DNAH11: variants seen among roughly 807,000 people sequenced by gnomAD.
The protein encoded by DNAH11 is dynein axonemal heavy chain 11, also known as axonemal beta dynein heavy chain 11.
Under a neutral mutation model 526.0 loss-of-function variants are expected in DNAH11, and 442 were observed. The observed-to-expected ratio is 0.84, with a 90% CI of 0.78 to 0.91. The LOEUF (loss-of-function observed/expected upper bound fraction) is 0.91, where lower values mean the gene tolerates loss of function less well. DNAH11 is among the 40% of genes least tolerant of loss of function. The pLI is 0.00. For missense variants in DNAH11, 6,989 were observed against 5,448.7 expected (o/e 1.28, Z -8.90); for synonymous variants, 2,461 against 1,935.9 (o/e 1.27, Z -7.12).
At chr7:21,809,768 G>A (rs1035734735) in intron 63 of DNAH11, among the ~76,000 whole-genome samples, 4 of 151,818 alleles carry the variant, frequency 2.6e-5, no homozygotes, top group Admixed American at 6.6e-5. Flanking sequence ...GTTTTACCAT[G>A]TTGCCCAGGC....
intron 63 of DNAH11, among the ~76,000 whole-genome samples, chr7:21,809,223 G>A (rs566388723): frequency 2.6e-5 from 4 of 152,006 alleles, no homozygotes; most frequent in Admixed American, 1.3e-4. Flanking sequence ...TCCATTTTAC[G>A]ATCAAGTTTT....
rs374693857 is a variant in DNAH11, at chr7:21,864,670, T to A, written c.11496+13T>A. 1.9e-6 allele frequency: 3 copies of A among 1,561,998 alleles called. No homozygotes were observed. In the African/African-American group the frequency reaches 4.1e-5, roughly 21 times the overall value. ...GAGTGCTATCAAGGTATGTTAGGAA[T>A]ACAGTTTCTCAAATTCTGGATCTTA... On this transcript the variant is annotated intron_variant, in intron 70 of 81. Transcript: ENST00000409508.
chr7:21,731,016 C>T (rs545220969), intron 45 of DNAH11, among the ~76,000 whole-genome samples: 8 of 151,960 alleles, frequency 5.3e-5, no homozygotes, highest in East Asian at 3.9e-4. Flanking sequence ...TGGTGGTGTG[C>T]GCCTATAATC....
At chr7:21,740,534 T>C (rs913117910) in intron 48 of DNAH11, among the ~76,000 whole-genome samples, 1 of 152,198 alleles carries the variant, frequency 6.6e-6, no homozygotes, top group Non-Finnish European at 1.5e-5. Context: ...GTTCATCCAG[T>C]TACGGCATAT....
rs760111740 is a variant in DNAH11 at position 21,687,051 on chromosome 7, G to A, written c.5622-48G>A. On this transcript the variant is annotated intron_variant, in intron 32 of 81. Transcript: ENST00000409508. ...TAATGTATTGCCTCTGATGTTTTAT[G>A]AAAATCTCATATTAGACTGTGATGT... is the stretch of plus-strand genomic sequence containing the variant. 23 of 1,547,982 alleles carry A rather than the reference G, an allele frequency of 1.5e-5. No homozygotes were observed. In the Middle Eastern group the frequency reaches 1.4e-3, roughly 92 times the overall value.
rs1782665315 is a variant in DNAH11 at position 21,543,463 on chromosome 7, C to G, written c.218C>G (p.Thr73Arg). The G allele has an allele frequency of 6.3e-7, 1 of 1,580,674 alleles. No homozygotes were observed. Among genetic ancestry groups the G allele is most frequent in the Non-Finnish European group, 8.6e-7 (1 of 1,162,648 alleles). ...CGCCTGGCGATGATGCTGGGGTTCA[C>G]GGAGGAGAAATGGAGCCAGTATTTG... ...GGRLAMMLGFTEEKWSQYLES... is the reference protein window; with the variant it reads ...GGRLAMMLGFREEKWSQYLES... The change falls in exon 1 of 82, where the codon ACG (threonine) becomes AGG (arginine). Residue 73 changes from threonine (T) to arginine (R), a missense_variant. By Grantham distance (71) the Thr-to-Arg change is moderately conservative (BLOSUM62 -1). Transcript: ENST00000409508.
intron 26 of DNAH11, among the ~76,000 whole-genome samples, chr7:21,637,258 C>A (rs529680736): frequency 6.6e-6 from 1 of 152,102 alleles, no homozygotes; most frequent in Non-Finnish European, 1.5e-5. Context: ...CCCACCTCCT[C>A]CTACTTGTCT....
chr7:21,773,726 TGA>T, intron 55 of DNAH11, 38 bp from the exon 56 acceptor site: 1 of 1,288,462 alleles, frequency 7.8e-7, no homozygotes, highest in Non-Finnish European at 1.0e-6. Flanking sequence ...ATTTTTAATT[TGA>T]GAGGATTTCA....
chr7:21,614,399 G>T (rs2128452032), intron 20 of DNAH11, among the ~76,000 whole-genome samples: 1 of 152,206 alleles, frequency 6.6e-6, no homozygotes, highest in South Asian at 2.1e-4. Flanking sequence ...GAACCTGAAG[G>T]ATTGCTTTCC....
At chr7:21,765,352 A>G in intron 54 of DNAH11, 76 bp from the exon 55 acceptor site, 2 of 1,597,994 alleles carry the variant, frequency 1.3e-6, no homozygotes, top group Non-Finnish European at 1.7e-6. Flanking sequence ...CCTTTCTCTC[A>G]TTGTCTAAGA....
At chr7:21,859,495 A>C (rs917918379) in intron 68 of DNAH11, among the ~76,000 whole-genome samples, 1 of 152,210 alleles carries the variant, frequency 6.6e-6, no homozygotes, top group Non-Finnish European at 1.5e-5. Flanking sequence ...CATCTGAAAA[A>C]ATCCAAAATC....
chr7:21,656,035 T>A lies in DNAH11; in HGVS notation c.5094+54T>A. 2.7e-6 allele frequency: 4 copies of A among 1,487,714 alleles called. No homozygotes were observed. The South Asian group carries it at 4.5e-5, about 17-fold the overall frequency. 92.2% of individuals were successfully genotyped at this position (1,487,714 alleles called of 1,614,324 possible). A position where few individuals can be genotyped will look rare whatever the true frequency, so the allele number is the denominator to read the frequency against. ...CTAGGGGAGTATTTTCAGCATGCTC[T>A]TAGAAGGTTGAGTTCAACAAGCAAA... is the stretch of plus-strand genomic sequence containing the variant. On this transcript the variant is annotated intron_variant, in intron 29 of 81. Coordinates refer to ENST00000409508, the MANE Select transcript of DNAH11 (RefSeq NM_001277115.2).
At chr7:21,726,936 T>TTTTTTTTC (rs1473906203) in intron 45 of DNAH11, among the ~76,000 whole-genome samples, 15,084 of 35,208 alleles carry the variant, frequency 0.43, 4,833 homozygotes, top group African/African-American at 0.5. Context: ...TCCTCTTTTC[T>TTTTTTTTC]TTTTTTTTTT....
rs1458595386 is a variant in DNAH11 at position 21,900,859 on chromosome 7, G to C, written c.13304-148G>C. The stretch of plus-strand genomic sequence containing the variant: ...AGGGTAACCTACCTTTCAAAGCTCA[G>C]TCCGGCCAGCTCAGTAAAAATACCA... On this transcript the variant is annotated intron_variant, in intron 81 of 81. Transcript: ENST00000409508. 1.0e-5 allele frequency: 14 copies of C among 1,345,026 alleles called. 1 individual carries two copies. Among genetic ancestry groups the C allele is most frequent in the African/African-American group, 1.5e-5 (1 of 68,090 alleles). The allele number at this position is 1,345,026 out of a possible 1,614,324, so 83.3% of individuals were successfully genotyped here.
chr7:21,722,304 C>T (rs563734299), intron 44 of DNAH11, among the ~76,000 whole-genome samples: 2 of 152,258 alleles, frequency 1.3e-5, no homozygotes, highest in African/African-American at 4.8e-5. Flanking sequence ...AAAAGCCACA[C>T]CTTCCATGGT....
chr7:21,901,095 C>A lies in DNAH11; in HGVS notation c.13392C>A (p.Ala4464=). The A allele has an allele frequency of 6.2e-7, 1 of 1,613,952 alleles. No homozygotes were observed. Among genetic ancestry groups the A allele is most frequent in the Middle Eastern group, 1.6e-4 (1 of 6,062 alleles). Residue 4464 remains alanine (A), a synonymous_variant, in exon 82 of 82, where the codon GCC becomes GCA. Transcript: ENST00000409508. The stretch of plus-strand genomic sequence containing the variant: ...CTATGCCGGTCATCTTTGCAAAAGC[C>A]ACCCCCGTGGACAGACAAGAAACCA... The part of the protein sequence containing the change: ...ACPMPVIFAK[A]TPVDRQETKQ...
rs1162504533 is a variant in DNAH11, at chr7:21,816,605, C to T, written c.10471C>T (p.Arg3491Cys). Residue 3491 changes from arginine (R) to cysteine (C), a missense_variant, in exon 64 of 82, where the codon CGC becomes TGC. Arg to Cys is a radical substitution (Grantham distance 180, BLOSUM62 -3). Coordinates refer to ENST00000409508, the MANE Select transcript of DNAH11 (RefSeq NM_001277115.2). ...ENAAILTHCE[R>C]WPLVIDPQQQ... ...TGCCGCTATCCTAACACACTGTGAG[C>T]GCTGGCCTCTGGTGATAGATCCCCA... The T allele has an allele frequency of 1.1e-5, 18 of 1,613,570 alleles. 1 individual carries two copies. The highest frequency in any genetic ancestry group is 4.0e-5 in the African/African-American group (3 of 74,878).
chr7:21,626,918 T>G (rs1369244093), intron 25 of DNAH11, among the ~76,000 whole-genome samples: 2 of 151,722 alleles, frequency 1.3e-5, no homozygotes, highest in African/African-American at 4.8e-5. Flanking sequence ...GCCTGGCTAA[T>G]TTTTTGTATT....
Position 21,561,135 on chromosome 7 carries a change from C to T in DNAH11, c.947C>T (p.Pro316Leu), listed in dbSNP as rs1783443732. ...ILTTKQSSYF[P>L]TLKDIFLAVE... is the part of the protein sequence containing the mutation. ...ACAACTAAACAAAGCAGCTATTTTC[C>T]TACTCTGAAGGACATTTTTCTGGCT... is the stretch of plus-strand genomic sequence containing the variant. The change falls in exon 5 of 82, where the codon CCT (proline) becomes CTT (leucine). Residue 316 changes from proline to leucine, a missense_variant. Transcript: ENST00000409508. The T allele has an allele frequency of 1.2e-6, 2 of 1,601,124 alleles. No homozygotes were observed. The highest frequency in any genetic ancestry group is 3.4e-5 in the Admixed American group (2 of 58,412).
Sources: allele counts gnomAD v4.1 joint callset (sites outside exome capture counted in the v4.1 genomes callset), GRCh38; gene constraint gnomAD v4.1.1; transcripts MANE v1.5; gene names NCBI Gene and HGNC (gene_info 2026-07-23, HGNC 2026-07-21).